Variants in ATP11C observed in about 807,000 individuals in gnomAD.
ATP11C encodes phospholipid-transporting ATPase IG.
Under a neutral mutation model 97.4 loss-of-function variants are expected in ATP11C, and 36 were observed. The observed-to-expected ratio is 0.37, with a 90% confidence interval of 0.28 to 0.49. The LOEUF is 0.49. ATP11C is among the 20% of genes least tolerant of loss of function. The pLI, the probability that ATP11C is intolerant of heterozygous loss-of-function variation, is 0.98. For synonymous variants in ATP11C, 275 were observed against 290.9 expected (o/e 0.95, Z 0.56); for missense variants, 730 against 824.6 (o/e 0.89, Z 1.40).
At chrX:139,875,432 A>AG (rs2084455037) in intron 1 of ATP11C, among the ~76,000 whole-genome samples, 1 of 107,614 alleles carries the variant, frequency 9.3e-6, no homozygotes, top group African/African-American at 3.4e-5. Context: ...AAAAAAAAAA[A>AG]AAAAAGAAAA....
intron 12 of ATP11C, among the ~76,000 whole-genome samples, chrX:139,793,637 T>A (rs1349007146): frequency 9.0e-6 from 1 of 111,415 alleles, no homozygotes; most frequent in East Asian, 2.8e-4. Context: ...TTTATCTCTA[T>A]GAACTTCAAA....
chrX:139,857,386 T>C, intron 1 of ATP11C, among the ~76,000 whole-genome samples: 2 of 111,974 alleles, frequency 1.8e-5, no homozygotes, highest in Non-Finnish European at 3.8e-5. Context: ...TGTGTTCAAT[T>C]CTTTTCCTTC....
At chrX:139,789,106 G>A (rs952153782) in intron 13 of ATP11C, among the ~76,000 whole-genome samples, 1 of 110,004 alleles carries the variant, frequency 9.1e-6, no homozygotes, top group African/African-American at 3.3e-5. Flanking sequence ...GGGAGGCTGA[G>A]GCAGGAGAAT....
At chrX:139,887,998 A>C (rs1179028975) in intron 1 of ATP11C, among the ~76,000 whole-genome samples, 1 of 109,538 alleles carries the variant, frequency 9.1e-6, no homozygotes, top group Non-Finnish European at 1.9e-5. Flanking sequence ...ACACACACAA[A>C]ACTACTGCTC....
intron 15 of ATP11C, among the ~76,000 whole-genome samples, chrX:139,786,754 C>T (rs181915697): frequency 1.5e-4 from 17 of 112,307 alleles, no homozygotes; most frequent in African/African-American, 4.2e-4. Context: ...CTGAACATTC[C>T]GAACCAAACA....
At chrX:139,842,314 C>G (rs753116768) in intron 1 of ATP11C, among the ~76,000 whole-genome samples, 5 of 112,531 alleles carry the variant, frequency 4.4e-5, no homozygotes, top group Non-Finnish European at 9.4e-5. Context: ...TTTTAAATTC[C>G]ATACATGCCC....
At chrX:139,910,696 T>G (rs1380706066) in intron 1 of ATP11C, among the ~76,000 whole-genome samples, 1 of 111,076 alleles carries the variant, frequency 9.0e-6, no homozygotes, top group Non-Finnish European at 1.9e-5. Flanking sequence ...AGATAAATCT[T>G]TTGACTCCAG....
chrX:139,773,387 A>T (rs1403172912), intron 19 of ATP11C, among the ~76,000 whole-genome samples: 1 of 111,449 alleles, frequency 9.0e-6, no homozygotes, highest in Non-Finnish European at 1.9e-5. Flanking sequence ...TAAGAGGAAG[A>T]GACAGCAGAG....
At chrX:139,841,980 T>TTA (rs1162375267) in intron 1 of ATP11C, among the ~76,000 whole-genome samples, 4 of 112,246 alleles carry the variant, frequency 3.6e-5, no homozygotes, top group African/African-American at 1.3e-4. Flanking sequence ...AAGGCTCCAC[T>TTA]TATCTTGCCT....
intron 1 of ATP11C, among the ~76,000 whole-genome samples, chrX:139,902,867 A>C (rs1258641557): frequency 8.9e-6 from 1 of 111,948 alleles, no homozygotes; most frequent in Non-Finnish European, 1.9e-5. Context: ...GTACCAACGG[A>C]GAGAAGGAGA....
intron 22 of ATP11C, among the ~76,000 whole-genome samples, chrX:139,759,057 T>C (rs2081989239): frequency 8.9e-6 from 1 of 111,974 alleles, no homozygotes; most frequent in Non-Finnish European, 1.9e-5. Flanking sequence ...TTATACATTA[T>C]CAGTTCTGGT....
chrX:139,808,612 T>C (rs1039024485), intron 5 of ATP11C, among the ~76,000 whole-genome samples: 5 of 111,695 alleles, frequency 4.5e-5, no homozygotes, highest in African/African-American at 1.3e-4. Context: ...CATAATTCTA[T>C]ATAGCCAGAA....
intron 19 of ATP11C, among the ~76,000 whole-genome samples, chrX:139,769,254 A>C (rs1603353335): frequency 1.1e-5 from 1 of 87,378 alleles, no homozygotes; most frequent in South Asian, 6.5e-4. Flanking sequence ...ATATAGGGAA[A>C]AGACAAATGG....
Position 139,767,722 on chromosome X carries a change from A to C in ATP11C, c.2391+538T>G, listed in dbSNP as rs2082167286. Reference sequence around the variant, plus strand: ...AAACTTTGCCCTAGAAAAAACAGATAATTAGGGAGAAAATAGAGGATGGCA... The same window carrying C: ...AAACTTTGCCCTAGAAAAAACAGATCATTAGGGAGAAAATAGAGGATGGCA... On this transcript the variant is annotated intron_variant, in intron 20 of 29. Coordinates refer to ENST00000682941, the MANE Select transcript of ATP11C (RefSeq NM_001353812.2). Among the ~76,000 whole-genome samples, 4 of 111,900 alleles carry C rather than the reference A, an allele frequency of 3.6e-5. No homozygotes were observed. In the South Asian group the frequency reaches 1.5e-3, roughly 42 times the overall value.
At chrX:139,901,275 T>C (rs1403931775) in intron 1 of ATP11C, among the ~76,000 whole-genome samples, 1 of 111,480 alleles carries the variant, frequency 9.0e-6, no homozygotes. Context: ...CCTTCCAGGT[T>C]TGGAAGTTGA....
At chrX:139,898,407 C>T (rs1337605012) in intron 1 of ATP11C, among the ~76,000 whole-genome samples, 2 of 111,447 alleles carry the variant, frequency 1.8e-5, no homozygotes, top group African/African-American at 6.5e-5. Flanking sequence ...TAATAAAAAC[C>T]ATTTTAGCAA....
chrX:139,824,380 G>A (rs1270204889), intron 2 of ATP11C, among the ~76,000 whole-genome samples: 1 of 107,937 alleles, frequency 9.3e-6, no homozygotes, highest in African/African-American at 3.6e-5. Context: ...TCTAAAGAAA[G>A]TATTTGTGTT....
At position 139,728,612 on chromosome X, in the gene ATP11C, T is replaced by C; in HGVS notation, c.*354A>G. ...ATAACTTCTACTTCATACTATTGTATTTAAATCCATTCACAAAGTTCATGG... is the reference window on the plus strand; with the variant it reads ...ATAACTTCTACTTCATACTATTGTACTTAAATCCATTCACAAAGTTCATGG... On this transcript the variant is annotated 3_prime_UTR_variant, in exon 30 of 30. Transcript: ENST00000682941. 4.6e-6 allele frequency: 1 copy of C among 217,969 alleles called. No homozygotes were observed. The highest frequency in any genetic ancestry group is 8.4e-6 in the Non-Finnish European group (1 of 118,503). 18.0% of individuals were successfully genotyped at this position (217,969 alleles called of 1,213,427 possible). A position where few individuals can be genotyped will look rare whatever the true frequency, so the allele number is the denominator to read the frequency against.
intron 25 of ATP11C, among the ~76,000 whole-genome samples, chrX:139,745,434 G>A (rs1417712629): frequency 8.9e-6 from 1 of 111,870 alleles, no homozygotes; most frequent in African/African-American, 3.3e-5. Flanking sequence ...TCACATCAAA[G>A]AGCAGGAGTC....
Sources: gnomAD v4.1 joint callset for allele counts (sites outside exome capture counted in the v4.1 genomes callset) on GRCh38, gnomAD v4.1.1 for gene constraint, MANE v1.5 for transcripts, NCBI Gene and HGNC (gene_info 2026-07-23, HGNC 2026-07-21) for gene names.